DPP8: variants seen among roughly 807,000 people sequenced by gnomAD.
DPP8 encodes the protein DPP VIII.
In DPP8, 31 loss-of-function variants were observed where a neutral mutation model predicts 107.5. The ratio of observed to expected loss-of-function variants is 0.29; its 90% CI spans 0.22 to 0.39. DPP8 has a LOEUF of 0.39. Ranked by LOEUF, DPP8 falls within the 10% of genes least tolerant of loss-of-function variation. DPP8 has a pLI of 1.00. For synonymous variants in DPP8, 381 were observed against 356.6 expected, an observed-to-expected ratio of 1.07 and a Z score of -0.77; for missense variants, 842 against 1,076.1, an observed-to-expected ratio of 0.78 and a Z score of 3.04.
In DPP8 at chr15:65,456,328, C is replaced by G. The variant is rs1310417925; in HGVS notation, c.2015G>C (p.Arg672Pro). ...NNRFKGVKYF[R>P]LNTLASLGYV... ...ACCTAGAGAGGCTAGGGTATTCAAG[C>G]GGAAATACTTGACTCCTTTAAACCG... Residue 672 changes from arginine to proline, a missense_variant, in exon 16 of 20, where the codon CGC (arginine) becomes CCC (proline). By Grantham distance (103) the Arg-to-Pro change is moderately radical (BLOSUM62 -2). Transcript: ENST00000300141. The G allele has an allele frequency of 6.2e-7, 1 of 1,613,978 alleles. No individual in the cohort carries two copies. The highest frequency in any genetic ancestry group is 8.5e-7 in the Non-Finnish European group (1 of 1,179,974).
At chr15:65,517,065 GA>G (rs999180455) in intron 1 of DPP8, 10 of 152,986 alleles carry the variant, frequency 6.5e-5, no homozygotes, top group Non-Finnish European at 1.3e-4. Context: ...TGAAAAACCA[GA>G]AAATCTGAGG....
At chr15:65,499,059 C>T (rs915787144) in intron 4 of DPP8, among the ~76,000 whole-genome samples, 7 of 130,370 alleles carry the variant, frequency 5.4e-5, no homozygotes, top group African/African-American at 1.9e-4. Flanking sequence ...TTGTCTCCCC[C>T]CCAAAAAAAA....
At chr15:65,453,129 G>A (rs1336922018) in intron 17 of DPP8, among the ~76,000 whole-genome samples, 1 of 151,974 alleles carries the variant, frequency 6.6e-6, no homozygotes, top group Non-Finnish European at 1.5e-5. Flanking sequence ...CCAAGAGTTT[G>A]TTTACAGAAT....
chr15:65,454,433 A>G lies in DPP8; in HGVS notation c.2119-18T>C. On this transcript the variant is annotated intron_variant, in intron 16 of 19. Coordinates refer to ENST00000300141, the MANE Select transcript of DPP8 (RefSeq NM_130434.5). ...ATTTGACCCTGTCAAAAAAGGGAGA[A>G]CATTTCACTGATTCTGATGAATAAA... The G allele has an allele frequency of 6.3e-7, 1 of 1,579,292 alleles. No individual in the cohort carries two copies. The highest frequency in any genetic ancestry group is 1.2e-5 in the South Asian group (1 of 83,610).
rs1327898016 is a variant in DPP8, at chr15:65,445,864, T to C, written c.*1020A>G. On this transcript the variant is annotated 3_prime_UTR_variant, in exon 20 of 20. Transcript: ENST00000300141. ...TTTCCAAACATTTTCATGAGTATTTTTGTTAAAACTACTTCTGCTTAGTTT... is the reference window on the plus strand; with the variant it reads ...TTTCCAAACATTTTCATGAGTATTTCTGTTAAAACTACTTCTGCTTAGTTT... 6.6e-6 allele frequency: 1 copy of C among 152,138 alleles called. No individual in the cohort carries two copies. Among genetic ancestry groups the C allele is most frequent in the African/African-American group, 2.4e-5 (1 of 41,416 alleles). 9.4% of individuals were successfully genotyped at this position (152,138 alleles called of 1,614,324 possible). A position where few individuals can be genotyped will look rare whatever the true frequency, so the allele number is the denominator to read the frequency against.
chr15:65,480,160 T>C (rs2066784448), intron 10 of DPP8, 62 bp downstream of exon 10: 2 of 1,468,564 alleles, frequency 1.4e-6, no homozygotes, highest in East Asian at 2.3e-5. Context: ...GTTTGCTATA[T>C]AACTTCATTT....
At chr15:65,451,260 C>T in intron 18 of DPP8, 150 bp from the exon 19 acceptor site, 1 of 575,242 alleles carries the variant, frequency 1.7e-6, no homozygotes, top group Non-Finnish European at 3.0e-6. Flanking sequence ...AAATTTGTAA[C>T]ATATTAACCA....
chr15:65,516,045 A>C, intron 1 of DPP8: 2 of 389,844 alleles, frequency 5.1e-6, no homozygotes, highest in Non-Finnish European at 9.0e-6. Flanking sequence ...GTGTCCAGAC[A>C]AAGGAAAACC....
intron 17 of DPP8, 53 bp from the exon 18 acceptor site, chr15:65,452,155 A>G: frequency 1.5e-5 from 24 of 1,559,102 alleles, no homozygotes; most frequent in Non-Finnish European, 2.0e-5. Context: ...GAGAGTGGCT[A>G]GCAGTGAGAT....
chr15:65,479,850 C>CAA (rs56303808), intron 10 of DPP8, among the ~76,000 whole-genome samples: 149 of 66,608 alleles, frequency 2.2e-3, no homozygotes, highest in Middle Eastern at 9.6e-3. Flanking sequence ...GACTCCGTCT[C>CAA]AAAAAAAAAA....
At chr15:65,471,255 G>C (rs527564619) in intron 12 of DPP8, among the ~76,000 whole-genome samples, 5 of 152,082 alleles carry the variant, frequency 3.3e-5, no homozygotes, top group Admixed American at 3.3e-4. Flanking sequence ...AAATAAAACA[G>C]AAAAAAATTA....
chr15:65,496,002 T>TA (rs1213933539), intron 5 of DPP8, among the ~76,000 whole-genome samples: 1 of 151,918 alleles, frequency 6.6e-6, no homozygotes, highest in Non-Finnish European at 1.5e-5. Context: ...TTTTTTTTTT[T>TA]AGACGGAGTG....
chr15:65,454,174 C>T, intron 17 of DPP8, 89 bp downstream of exon 17: 1 of 972,804 alleles, frequency 1.0e-6, no homozygotes, highest in Non-Finnish European at 1.4e-6. Flanking sequence ...ACTCTGTAAA[C>T]CTTCAGAAAA....
At chr15:65,448,015 A>G (rs1282029394) in intron 19 of DPP8, among the ~76,000 whole-genome samples, 10 of 152,172 alleles carry the variant, frequency 6.6e-5, no homozygotes. Context: ...TAAAAGATCC[A>G]TCTGAAGTAT....
chr15:65,502,341 T>C (rs1384203356), intron 3 of DPP8, among the ~76,000 whole-genome samples: 1 of 152,044 alleles, frequency 6.6e-6, no homozygotes, highest in Non-Finnish European at 1.5e-5. Flanking sequence ...ATCTCTGTGA[T>C]TTTCTTTTCC....
intron 5 of DPP8, among the ~76,000 whole-genome samples, chr15:65,496,436 CG>C (rs2068609140): frequency 6.6e-6 from 1 of 152,100 alleles, no homozygotes; most frequent in Non-Finnish European, 1.5e-5. Flanking sequence ...CTCTGGTTCA[CG>C]TGTTCAAAGA....
intron 3 of DPP8, chr15:65,502,981 C>T (rs566570273): frequency 6.6e-6 from 1 of 152,218 alleles, no homozygotes; most frequent in East Asian, 1.9e-4. Flanking sequence ...GATTGGAAGA[C>T]AGAGTAAATG....
intron 4 of DPP8, among the ~76,000 whole-genome samples, chr15:65,499,613 A>T (rs535008594): frequency 6.6e-6 from 1 of 151,966 alleles, no homozygotes; most frequent in African/African-American, 2.4e-5. Context: ...CATCCACGCT[A>T]AAGTGCAGCA....
At chr15:65,469,344 C>G (rs1404322902) in intron 12 of DPP8, among the ~76,000 whole-genome samples, 1 of 151,166 alleles carries the variant, frequency 6.6e-6, no homozygotes, top group African/African-American at 2.4e-5. Context: ...ACTTTGAGAA[C>G]CACCCTTAAC....
Sources: gnomAD v4.1 joint callset for allele counts (sites outside exome capture counted in the v4.1 genomes callset) on GRCh38, gnomAD v4.1.1 for gene constraint, MANE v1.5 for transcripts, NCBI Gene and HGNC (gene_info 2026-07-23, HGNC 2026-07-21) for gene names.